Variants in ZNF717 observed in about 807,000 individuals in gnomAD.
ZNF717 encodes zinc finger protein 717, also known as krueppel-like factor X17.
ZNF717 carries 9 observed loss-of-function variants against 13.8 expected under a neutral mutation model. The observed-to-expected ratio is 0.65, with a 90% CI of 0.39 to 1.14. ZNF717 has a LOEUF of 1.14. ZNF717 is among the 50% of genes most tolerant of loss of function. ZNF717 has a pLI of 0.01. For synonymous variants in ZNF717, 327 were observed against 364.1 expected (o/e 0.90, Z 1.16); for missense variants, 1,040 against 1,080.7 (o/e 0.96, Z 0.53).
intron 2 of ZNF717, among the ~76,000 whole-genome samples, chr3:75,758,575 T>A (rs1014417906): frequency 6.6e-6 from 1 of 152,228 alleles, no homozygotes; most frequent in Non-Finnish European, 1.5e-5. Context: ...AACAACATCG[T>A]ATGCTACAGA....
intron 4 of ZNF717, among the ~76,000 whole-genome samples, chr3:75,740,065 T>C (rs1196248888): frequency 2.0e-5 from 3 of 152,038 alleles, no homozygotes; most frequent in South Asian, 2.1e-4. Context: ...ACTCAGGCTG[T>C]GCCCGTCATC....
intron 6 of ZNF717, among the ~76,000 whole-genome samples, chr3:75,696,211 C>T (rs182137259): frequency 6.6e-6 from 1 of 152,300 alleles, no homozygotes; most frequent in Non-Finnish European, 1.5e-5. Context: ...AGAAAACCTA[C>T]AGGAAATTAA....
At chr3:75,769,835 G>A (rs10212274) in intron 2 of ZNF717, among the ~76,000 whole-genome samples, 6,605 of 152,202 alleles carry the variant, frequency 0.043, 474 homozygotes, top group African/African-American at 0.15. Context: ...AATAGGAAGT[G>A]TAATATAACC....
chr3:75,701,219 G>T (rs1384474832), intron 6 of ZNF717, among the ~76,000 whole-genome samples: 56 of 150,666 alleles, frequency 3.7e-4, no homozygotes, highest in Non-Finnish European at 6.1e-4. Flanking sequence ...GAGATCTGAT[G>T]GTTTTATAAG....
chr3:75,784,661 G>A (rs573188894), intron 1 of ZNF717: 1 of 152,304 alleles, frequency 6.6e-6, no homozygotes, highest in African/African-American at 2.4e-5. Flanking sequence ...CTTCTCAGCC[G>A]AATTCACCTC....
At chr3:75,778,070 C>T (rs1291139601) in intron 2 of ZNF717, among the ~76,000 whole-genome samples, 6 of 151,196 alleles carry the variant, frequency 4.0e-5, no homozygotes, top group African/African-American at 1.5e-4. Flanking sequence ...GAGTGTCCTG[C>T]TAAACCAGAT....
At position 75,757,559 on chromosome 3, in the gene ZNF717, TAC is replaced by T. The variant is rs565951062; in HGVS notation, c.58-15825_58-15824del. Among the ~76,000 whole-genome samples, 11 of 152,346 alleles carry T rather than the reference TAC, an allele frequency of 7.2e-5. No individual in the cohort carries two copies. In the South Asian group the frequency reaches 2.1e-3, roughly 29 times the overall value. On this transcript the variant is annotated intron_variant, in intron 2 of 4. Transcript: ENST00000652011. The stretch of plus-strand genomic sequence containing the variant: ...AATGCTCCTGGTACTCAAGGGCTTT[TAC>T]AGAGATGTATAAAGAGCTGAATATT...
At chr3:75,779,146 G>T (rs112607021) in intron 2 of ZNF717, among the ~76,000 whole-genome samples, 2,741 of 150,484 alleles carry the variant, frequency 0.018, 125 homozygotes, top group African/African-American at 0.064. Flanking sequence ...AAAACAATGG[G>T]AGTGACGTGC....
intron 6 of ZNF717, among the ~76,000 whole-genome samples, chr3:75,702,994 C>T (rs1402352699): frequency 2.6e-5 from 4 of 152,302 alleles, no homozygotes; most frequent in Non-Finnish European, 5.9e-5. Flanking sequence ...TGCAGGGAAC[C>T]CTGTTCTTTA....
chr3:75,741,446 AG>A, intron 3 of ZNF717, 78 bp from the exon 4 acceptor site: 1 of 1,382,582 alleles, frequency 7.2e-7, no homozygotes. Flanking sequence ...GCTGGGCTTC[AG>A]GGACTGTGCA....
downstream of ZNF717, among the ~76,000 whole-genome samples, chr3:75,734,809 ATATATATATT>A (rs1938947847): frequency 5.7e-5 from 1 of 17,432 alleles, no homozygotes; most frequent in African/African-American, 1.8e-4. Context: ...ATATATATAT[ATATATATATT>A]TTTTTTTTTT....
chr3:75,771,406 T>G (rs1408325152), intron 2 of ZNF717, among the ~76,000 whole-genome samples: 1 of 152,230 alleles, frequency 6.6e-6, no homozygotes, highest in Non-Finnish European at 1.5e-5. Context: ...TCCTGAATCA[T>G]TCATTGCTCA....
chr3:75,739,997 T>C (rs1361770694), intron 4 of ZNF717, among the ~76,000 whole-genome samples: 1 of 152,222 alleles, frequency 6.6e-6, no homozygotes, highest in Non-Finnish European at 1.5e-5. Flanking sequence ...AGAACCATAA[T>C]AGGCACAGAA....
At chr3:75,760,513 T>C (rs1223708552) in intron 2 of ZNF717, among the ~76,000 whole-genome samples, 9 of 151,592 alleles carry the variant, frequency 5.9e-5, no homozygotes. Flanking sequence ...AATCATGACA[T>C]ACCCAAACTC....
chr3:75,781,800 G>A (rs138176566), intron 2 of ZNF717, among the ~76,000 whole-genome samples: 5 of 151,666 alleles, frequency 3.3e-5, no homozygotes, highest in Admixed American at 6.6e-5. Context: ...CATAAAGCCC[G>A]CACATTTGTC....
intron 4 of ZNF717, among the ~76,000 whole-genome samples, chr3:75,722,295 C>T (rs1181125698): frequency 6.6e-6 from 1 of 152,068 alleles, no homozygotes; most frequent in African/African-American, 2.4e-5. Context: ...ATAATAAATT[C>T]AGTTCATGCT....
intron 2 of ZNF717, 93 bp from the exon 3 acceptor site, chr3:75,741,829 T>A: frequency 1.3e-6 from 2 of 1,498,290 alleles, no homozygotes; most frequent in Non-Finnish European, 8.9e-7. Context: ...TCCTCCCAGG[T>A]GAAGTGCACA....
chr3:75,772,062 A>C (rs977126979), intron 2 of ZNF717, among the ~76,000 whole-genome samples: 2 of 152,266 alleles, frequency 1.3e-5, no homozygotes, highest in African/African-American at 4.8e-5. Flanking sequence ...GGTGGGGCTA[A>C]GGATGGCTCA....
exon 6 of ZNF717, chr3:75,730,379 T>A: frequency 2.4e-6 from 1 of 418,728 alleles, no homozygotes; most frequent in Non-Finnish European, 4.2e-6. Flanking sequence ...AGAAACAGGA[T>A]TTGATGTCAA....
Sources: gnomAD v4.1 joint callset for allele counts (sites outside exome capture counted in the v4.1 genomes callset) on GRCh38, gnomAD v4.1.1 for gene constraint, MANE v1.5 for transcripts, NCBI Gene and HGNC (gene_info 2026-07-23, HGNC 2026-07-21) for gene names.